Variants in CDH23 observed in about 807,000 individuals in gnomAD.
CDH23 encodes cadherin-23.
A neutral mutation model predicts 317.1 loss-of-function variants in CDH23; 189 were observed. That is an observed-to-expected ratio of 0.60 (90% CI 0.53 to 0.67). CDH23 has a LOEUF of 0.67. CDH23 is among the 30% of genes least tolerant of loss of function. CDH23 has a pLI of 0.00. For synonymous variants in CDH23, 1,839 were observed against 1,876.8 expected, an observed-to-expected ratio of 0.98 and a Z score of 0.52; for missense variants, 4,401 against 4,592.4, an observed-to-expected ratio of 0.96 and a Z score of 1.20.
At chr10:71,501,784 C>T (rs969994709) in intron 3 of CDH23, among the ~76,000 whole-genome samples, 1 of 152,222 alleles carries the variant, frequency 6.6e-6, no homozygotes, top group African/African-American at 2.4e-5. Context: ...GAGCCCATCC[C>T]AGGGAGAGTG....
intron 11 of CDH23, among the ~76,000 whole-genome samples, chr10:71,624,492 A>G (rs926466388): frequency 6.6e-6 from 1 of 152,208 alleles, no homozygotes; most frequent in Non-Finnish European, 1.5e-5. Flanking sequence ...AGCGTCTATC[A>G]GGATTAAATG....
chr10:71,420,476 A>ATGATGATGG (rs1848734841), intron 1 of CDH23, among the ~76,000 whole-genome samples: 2 of 52,930 alleles, frequency 3.8e-5, no homozygotes, highest in Non-Finnish European at 7.7e-5. Flanking sequence ...GATGGTGATG[A>ATGATGATGG]TGATGGTGAT....
At chr10:71,798,751 T>C (rs148965160) in intron 50 of CDH23, among the ~76,000 whole-genome samples, 173 bp downstream of exon 50, 1 of 152,234 alleles carries the variant, frequency 6.6e-6, no homozygotes, top group African/African-American at 2.4e-5. Flanking sequence ...GACAGAGTGC[T>C]TACTCCTGGG....
At chr10:71,442,992 C>T (rs761383278) in intron 2 of CDH23, among the ~76,000 whole-genome samples, 1 of 152,166 alleles carries the variant, frequency 6.6e-6, no homozygotes, top group Non-Finnish European at 1.5e-5. Flanking sequence ...TGCCTAAGCT[C>T]CCCAGCAGCA....
chr10:71,465,712 G>GA (rs1210032564), intron 3 of CDH23, among the ~76,000 whole-genome samples: 2 of 152,106 alleles, frequency 1.3e-5, no homozygotes, highest in South Asian at 2.1e-4. Context: ...GCTTCCCTGG[G>GA]AAAAAAACAA....
At chr10:71,469,614 TG>T (rs201474195) in intron 3 of CDH23, among the ~76,000 whole-genome samples, 9,749 of 151,748 alleles carry the variant, frequency 0.064, 778 homozygotes, top group African/African-American at 0.18. Context: ...GTCCCCCCCT[TG>T]TTTTTTTTGA....
chr10:71,570,981 T>C (rs1222591924), intron 8 of CDH23, 63 bp downstream of exon 8: 5 of 1,580,562 alleles, frequency 3.2e-6, no homozygotes, highest in Non-Finnish European at 4.3e-6. Flanking sequence ...TCTGAGCTCC[T>C]GTTAGGGATG....
Position 71,617,479 on chromosome 10 carries a change from A to G in CDH23, c.1134+86A>G, listed in dbSNP as rs375497577. The G allele has an allele frequency of 1.9e-6, 3 of 1,540,544 alleles. No homozygotes were observed. The South Asian group carries it at 3.5e-5, about 18-fold the overall frequency. ...CTGGGCTGTTCAGGTCCTCAGCTATAAAATAGAAACAAACATTGCGGCACC... is the reference window on the plus strand; with the variant it reads ...CTGGGCTGTTCAGGTCCTCAGCTATGAAATAGAAACAAACATTGCGGCACC... On this transcript the variant is annotated intron_variant, in intron 11 of 69. Transcript: ENST00000224721.
chr10:71,490,660 G>C lies in CDH23; in HGVS notation c.146-19422G>C, dbSNP rs966802000. Among the ~76,000 whole-genome samples, 3 of 152,324 alleles carry C rather than the reference G, an allele frequency of 2.0e-5. No individual in the cohort carries two copies. In the South Asian group the frequency reaches 6.2e-4, roughly 32 times the overall value. ...ACAGCCAGGGCCTGGCTCAGAACAG[G>C]CCACCCTGATATCTTATGAATGACT... On this transcript the variant is annotated intron_variant, in intron 3 of 69. Coordinates refer to ENST00000224721, the MANE Select transcript of CDH23 (RefSeq NM_022124.6).
intron 9 of CDH23, among the ~76,000 whole-genome samples, chr10:71,607,369 A>G (rs1219234469): frequency 4.6e-5 from 7 of 152,234 alleles, no homozygotes; most frequent in Non-Finnish European, 2.9e-5. Context: ...TGCCTGGATG[A>G]TCGAGTGCAG....
chr10:71,542,469 C>A (rs916943663), intron 6 of CDH23, among the ~76,000 whole-genome samples: 1 of 152,248 alleles, frequency 6.6e-6, no homozygotes, highest in Admixed American at 6.5e-5. Flanking sequence ...GATTCTTGGT[C>A]ACAAGGCTGC....
At chr10:71,664,519 C>A (rs1863805348) in intron 14 of CDH23, among the ~76,000 whole-genome samples, 1 of 152,166 alleles carries the variant, frequency 6.6e-6, no homozygotes, top group African/African-American at 2.4e-5. Flanking sequence ...ACAGGACAGG[C>A]AGGTGGGAGG....
At chr10:71,557,465 G>C (rs1157438228) in intron 6 of CDH23, among the ~76,000 whole-genome samples, 1 of 152,160 alleles carries the variant, frequency 6.6e-6, no homozygotes, top group Non-Finnish European at 1.5e-5. Context: ...GGAAAAGAGG[G>C]TCACTCTGAG....
chr10:71,479,298 A>T (rs1400197954), intron 3 of CDH23, among the ~76,000 whole-genome samples: 1 of 152,200 alleles, frequency 6.6e-6, no homozygotes, highest in Non-Finnish European at 1.5e-5. Context: ...GGGTTTCCTC[A>T]TGCTCATTTC....
At chr10:71,499,838 TC>T (rs2132164367) in intron 3 of CDH23, among the ~76,000 whole-genome samples, 1 of 149,968 alleles carries the variant, frequency 6.7e-6, no homozygotes, top group African/African-American at 2.5e-5. Flanking sequence ...AAATTCTGTC[TC>T]AAAAACAAAC....
chr10:71,734,429 T>C, intron 33 of CDH23, 88 bp downstream of exon 33: 1 of 1,490,932 alleles, frequency 6.7e-7, no homozygotes, highest in Non-Finnish European at 9.2e-7. Context: ...AGCCACCCAA[T>C]GTATGGGCCA....
intron 3 of CDH23, among the ~76,000 whole-genome samples, chr10:71,490,100 C>A (rs1259599575): frequency 6.6e-6 from 1 of 151,968 alleles, no homozygotes; most frequent in Non-Finnish European, 1.5e-5. Context: ...TTTTCTGGGC[C>A]CCGGGGACTG....
At chr10:71,645,502 C>A (rs75387018) in intron 12 of CDH23, 3 of 475,410 alleles carry the variant, frequency 6.3e-6, no homozygotes, top group Non-Finnish European at 1.2e-5. Context: ...TGCAGCTGGC[C>A]GGTCCCTCCG....
At position 71,617,327 on chromosome 10, in the gene CDH23, C is replaced by T. The variant is rs141247813; in HGVS notation, c.1068C>T (p.Ala356=). 174 of 1,613,952 alleles carry T rather than the reference C, an allele frequency of 1.1e-4. No individual in the cohort carries two copies. Among genetic ancestry groups the T allele is most frequent in the Non-Finnish European group, 1.3e-4 (153 of 1,179,884 alleles). ...PEFNSSEYSV[A]ITELAQVGFA... Reference sequence around the variant, plus strand: ...TCAACAGCTCCGAGTACAGCGTGGCCATCACTGAGCTGGCACAGGTCGGCT... The same window carrying T: ...TCAACAGCTCCGAGTACAGCGTGGCTATCACTGAGCTGGCACAGGTCGGCT... The change falls in exon 11 of 70, where the codon GCC becomes GCT. Residue 356 remains alanine (A), a synonymous_variant. Coordinates refer to ENST00000224721, the MANE Select transcript of CDH23 (RefSeq NM_022124.6).
Sources: gnomAD v4.1 joint callset for allele counts (sites outside exome capture counted in the v4.1 genomes callset) on GRCh38, gnomAD v4.1.1 for gene constraint, MANE v1.5 for transcripts, NCBI Gene and HGNC (gene_info 2026-07-23, HGNC 2026-07-21) for gene names.